Variants in CBL observed in about 807,000 individuals in gnomAD.
The protein encoded by CBL is Cbl proto-oncogene, also known as E3 ubiquitin-protein ligase CBL.
Under a neutral mutation model 96.9 loss-of-function variants are expected in CBL, and 45 were observed. That is an observed-to-expected ratio of 0.46 (90% CI 0.37 to 0.60). The LOEUF is 0.60. Among genes scored for constraint, CBL ranks in the 20% least tolerant of loss-of-function variants. CBL has a pLI of 0.00. For missense variants in CBL, 1,024 were observed against 1,143.5 expected (o/e 0.90, Z 1.51); for synonymous variants, 420 against 426.8 (o/e 0.98, Z 0.20).
At chr11:119,240,448 A>G (rs1949577384) in intron 2 of CBL, among the ~76,000 whole-genome samples, 1 of 152,232 alleles carries the variant, frequency 6.6e-6, no homozygotes, top group African/African-American at 2.4e-5. Flanking sequence ...TTCCATACTC[A>G]GTGCAGATTA....
intron 12 of CBL, among the ~76,000 whole-genome samples, chr11:119,294,533 G>A (rs1018751831): frequency 1.3e-5 from 2 of 151,954 alleles, no homozygotes; most frequent in African/African-American, 4.8e-5. Context: ...GGTGGCTCAC[G>A]CCTGTAATCC....
chr11:119,259,343 G>A (rs1400162398), intron 2 of CBL, among the ~76,000 whole-genome samples: 1 of 151,904 alleles, frequency 6.6e-6, no homozygotes, highest in Admixed American at 6.6e-5. Context: ...CTTGTATTCT[G>A]CTTAAGATAC....
chr11:119,235,390 C>T (rs749070827), intron 2 of CBL, among the ~76,000 whole-genome samples: 2 of 152,046 alleles, frequency 1.3e-5, no homozygotes, highest in Non-Finnish European at 2.9e-5. Context: ...TATGTATTCT[C>T]ACAATAAAGT....
chr11:119,227,258 G>A (rs1352278531), intron 1 of CBL, among the ~76,000 whole-genome samples: 1 of 152,158 alleles, frequency 6.6e-6, no homozygotes, highest in African/African-American at 2.4e-5. Context: ...TTATGAACAT[G>A]TTTAAGGTAG....
intron 1 of CBL, among the ~76,000 whole-genome samples, chr11:119,217,685 G>A (rs1386277293): frequency 6.6e-6 from 1 of 151,932 alleles, no homozygotes; most frequent in African/African-American, 2.4e-5. Flanking sequence ...TAAGCTTGGC[G>A]GATTTTTTTT....
intron 1 of CBL, among the ~76,000 whole-genome samples, chr11:119,212,586 A>G (rs1420442581): frequency 6.6e-6 from 1 of 152,164 alleles, no homozygotes; most frequent in Non-Finnish European, 1.5e-5. Flanking sequence ...AGATCGCACC[A>G]TTGCATGCCA....
intron 2 of CBL, among the ~76,000 whole-genome samples, chr11:119,242,256 C>T (rs1949591974): frequency 6.6e-6 from 1 of 151,958 alleles, no homozygotes; most frequent in Non-Finnish European, 1.5e-5. Context: ...TTAAGACCAG[C>T]CTGAAACTGG....
chr11:119,229,789 A>T lies in CBL; in HGVS notation c.196-2659A>T, dbSNP rs80045801. On this transcript the variant is annotated intron_variant, in intron 1 of 15. Transcript: ENST00000264033. Reference sequence around the variant, plus strand: ...GTGGCCCAGGCTGGAGGGCAGTGGCATGGTCTTGGCTCACTGCAACTTCCA... The same window carrying T: ...GTGGCCCAGGCTGGAGGGCAGTGGCTTGGTCTTGGCTCACTGCAACTTCCA... Among the ~76,000 whole-genome samples, 214 of 151,008 alleles carry T rather than the reference A, an allele frequency of 1.4e-3. 2 individuals carry two copies. In the East Asian group the frequency reaches 0.033, roughly 23 times the overall value.
At chr11:119,229,439 C>CT (rs1949484282) in intron 1 of CBL, among the ~76,000 whole-genome samples, 1 of 152,060 alleles carries the variant, frequency 6.6e-6, no homozygotes, top group Admixed American at 6.6e-5. Flanking sequence ...TTCAGCTTGT[C>CT]TTTGTTTGCT....
At chr11:119,212,652 A>G (rs375736699) in intron 1 of CBL, among the ~76,000 whole-genome samples, 36 of 151,996 alleles carry the variant, frequency 2.4e-4, no homozygotes, top group Non-Finnish European at 4.1e-4. Flanking sequence ...ATGAATGAAT[A>G]AATAAATAAA....
At position 119,301,602 on chromosome 11, in the gene CBL, C is replaced by G. The variant is rs1482839800; in HGVS notation, c.*1821C>G. ...TCTTGGCATTCAGCTACTCCTAGAT[C>G]TTTTGGTTTTATCCCCTGGCCTCAG... On this transcript the variant is annotated 3_prime_UTR_variant, in exon 16 of 16. Transcript: ENST00000264033. 4.3e-6 allele frequency: 1 copy of G among 233,172 alleles called. No homozygotes were observed. The highest frequency in any genetic ancestry group is 2.2e-5 in the African/African-American group (1 of 45,348). 14.4% of individuals were successfully genotyped at this position (233,172 alleles called of 1,614,324 possible).
Position 119,206,373 on chromosome 11 carries a change from G to T in CBL, c.-45G>T. On this transcript the variant is annotated 5_prime_UTR_variant, in exon 1 of 16. Coordinates refer to ENST00000264033, the MANE Select transcript of CBL (RefSeq NM_005188.4). Reference sequence around the variant, plus strand: ...CTGCTTCTCTCCCTCGCTCGCAGTCGAGCCGAGCCGGCGGACCCGCCTGGG... The same window carrying T: ...CTGCTTCTCTCCCTCGCTCGCAGTCTAGCCGAGCCGGCGGACCCGCCTGGG... The T allele has an allele frequency of 1.4e-6, 2 of 1,423,288 alleles. No individual in the cohort carries two copies. The highest frequency in any genetic ancestry group is 9.3e-7 in the Non-Finnish European group (1 of 1,078,312). The allele number at this position is 1,423,288 out of a possible 1,614,324, so 88.2% of individuals were successfully genotyped here.
chr11:119,285,217 A>G lies in CBL; in HGVS notation c.1592A>G (p.Lys531Arg), dbSNP rs1359969684. ...KAASGSLHKD[K>R]PLPVPPTLRD... The stretch of plus-strand genomic sequence containing the variant: ...GCTTCTGGCTCCCTTCATAAAGACA[A>G]ACCATTGCCAGTACCTCCCACACTT... Residue 531 changes from lysine (K) to arginine (R), a missense_variant, in exon 11 of 16, where the codon AAA (lysine) becomes AGA (arginine). Physicochemically the swap from Lys to Arg is conservative, Grantham distance 26. This residue lies in a region of CBL where 695 missense variants were observed against 661.6 expected (regional missense o/e 1.05). Coordinates refer to ENST00000264033, the MANE Select transcript of CBL (RefSeq NM_005188.4). 6.2e-7 allele frequency: 1 copy of G among 1,614,030 alleles called. No individual in the cohort carries two copies. The highest frequency in any genetic ancestry group is 1.3e-5 in the African/African-American group (1 of 74,902).
At chr11:119,289,517 A>G (rs1448646750) in intron 12 of CBL, 1 of 150,448 alleles carries the variant, frequency 6.6e-6, no homozygotes, top group African/African-American at 2.4e-5. Flanking sequence ...GTATTTGCAT[A>G]ACCTCTGTAT....
rs1016626416 is a variant in CBL, at chr11:119,260,253, CT to C, written c.444-11473del. On this transcript the variant is annotated intron_variant, in intron 2 of 15. Coordinates refer to ENST00000264033, the MANE Select transcript of CBL (RefSeq NM_005188.4). The stretch of plus-strand genomic sequence containing the variant: ...TTTTTTTTTCTTTTTCTTTTCTTTT[CT>C]TTTTTTTTGAGATGGAGTGTCACTC... Among the ~76,000 whole-genome samples the C allele has an allele frequency of 6.4e-4, 78 of 121,818 alleles. No individual in the cohort carries two copies. In the Middle Eastern group the frequency reaches 0.013, roughly 20 times the overall value. 79.9% of individuals were successfully genotyped at this position (121,818 alleles called of 152,430 possible). A position where few individuals can be genotyped will look rare whatever the true frequency, so the allele number is the denominator to read the frequency against.
intron 2 of CBL, among the ~76,000 whole-genome samples, chr11:119,236,337 T>C (rs1012391258): frequency 1.3e-5 from 2 of 152,092 alleles, no homozygotes; most frequent in Non-Finnish European, 2.9e-5. Flanking sequence ...CGGTGGCCTT[T>C]TGTGGTTTTT....
At chr11:119,215,428 A>ATTTT (rs542002208) in intron 1 of CBL, among the ~76,000 whole-genome samples, 3 of 133,718 alleles carry the variant, frequency 2.2e-5, no homozygotes, top group Non-Finnish European at 3.0e-5. Flanking sequence ...AAACAGCCTA[A>ATTTT]ATTTTTTTTT....
At chr11:119,228,449 T>C (rs1246655447) in intron 1 of CBL, among the ~76,000 whole-genome samples, 1 of 151,982 alleles carries the variant, frequency 6.6e-6, no homozygotes, top group Non-Finnish European at 1.5e-5. Context: ...CTACTAAAAA[T>C]ACAAAAATTA....
At chr11:119,261,836 A>G (rs1949756788) in intron 2 of CBL, among the ~76,000 whole-genome samples, 1 of 152,238 alleles carries the variant, frequency 6.6e-6, no homozygotes, top group Non-Finnish European at 1.5e-5. Flanking sequence ...AATGTTCACA[A>G]TGATTGTTTT....
Sources: allele counts gnomAD v4.1 joint callset (sites outside exome capture counted in the v4.1 genomes callset), GRCh38; gene constraint gnomAD v4.1.1; regional missense constraint gnomAD v4.1.1; transcripts MANE v1.5; gene names NCBI Gene and HGNC (gene_info 2026-07-23, HGNC 2026-07-21).